CDH12: variants seen among roughly 807,000 people sequenced by gnomAD.
CDH12 encodes the protein cadherin 12.
In CDH12, 41 loss-of-function variants were observed where a neutral mutation model predicts 74.1. The ratio of observed to expected loss-of-function variants is 0.55; its 90% CI spans 0.43 to 0.72. The LOEUF is 0.72. CDH12 is among the 30% of genes least tolerant of loss of function. The pLI, the probability that CDH12 is intolerant of heterozygous loss-of-function variation, is 0.00. For synonymous variants in CDH12, 399 were observed against 355.0 expected (o/e 1.12, Z -1.39); for missense variants, 945 against 977.2 (o/e 0.97, Z 0.44).
intron 2 of CDH12, among the ~76,000 whole-genome samples, chr5:22,488,834 A>G (rs1746717479): frequency 6.6e-6 from 1 of 151,598 alleles, no homozygotes; most frequent in Non-Finnish European, 1.5e-5. Context: ...TGCACCCTCT[A>G]TCTACTGGCC....
At chr5:22,837,128 A>G (rs78614585) in intron 1 of CDH12, among the ~76,000 whole-genome samples, 11 of 152,268 alleles carry the variant, frequency 7.2e-5, no homozygotes, top group African/African-American at 2.6e-4. Context: ...CTATAAAATA[A>G]TCCCAAATAG....
At chr5:22,192,898 C>T (rs1481046013) in intron 4 of CDH12, among the ~76,000 whole-genome samples, 3 of 152,152 alleles carry the variant, frequency 2.0e-5, no homozygotes, top group African/African-American at 4.8e-5. Context: ...CAAGAATTTG[C>T]TATACTTGCC....
At chr5:22,601,174 T>C (rs190393788) in intron 1 of CDH12, among the ~76,000 whole-genome samples, 1 of 152,190 alleles carries the variant, frequency 6.6e-6, no homozygotes, top group Admixed American at 6.6e-5. Context: ...AACCATATGA[T>C]CCTATGTTTT....
chr5:22,516,204 T>C (rs1436541341), intron 1 of CDH12, among the ~76,000 whole-genome samples: 5 of 152,126 alleles, frequency 3.3e-5, no homozygotes, highest in Non-Finnish European at 5.9e-5. Context: ...AACAATTGAA[T>C]ATTCATATAA....
intron 2 of CDH12, among the ~76,000 whole-genome samples, chr5:22,486,996 T>C (rs191772825): frequency 1.3e-5 from 2 of 151,942 alleles, no homozygotes; most frequent in Admixed American, 1.3e-4. Flanking sequence ...TAAATGTGTT[T>C]GATTAAGATT....
intron 5 of CDH12, among the ~76,000 whole-genome samples, chr5:22,067,738 T>C: frequency 6.6e-6 from 1 of 152,142 alleles, no homozygotes; most frequent in South Asian, 2.1e-4. Flanking sequence ...CTTCATAAGA[T>C]ATGAAGTATC....
At position 21,983,803 on chromosome 5, in the gene CDH12, A is replaced by G. The variant is rs187888035; in HGVS notation, c.232-8418T>C. Among the ~76,000 whole-genome samples, 7 of 152,192 alleles carry G rather than the reference A, an allele frequency of 4.6e-5. No homozygotes were observed. The East Asian group carries it at 1.3e-3, about 29-fold the overall frequency. On this transcript the variant is annotated intron_variant, in intron 5 of 14. Coordinates refer to ENST00000382254, the MANE Select transcript of CDH12 (RefSeq NM_004061.5). ...GAAAGCAATAAATTTATATTACTTT[A>G]TTTATTGGTAATGCTCTTCATTTTC...
intron 1 of CDH12, among the ~76,000 whole-genome samples, chr5:22,591,207 A>G (rs560929487): frequency 6.6e-6 from 1 of 152,288 alleles, no homozygotes; most frequent in African/African-American, 2.4e-5. Context: ...AAAATCAACT[A>G]GTTTTTTGAA....
chr5:22,291,450 T>C (rs951288256), intron 3 of CDH12, among the ~76,000 whole-genome samples: 1 of 152,154 alleles, frequency 6.6e-6, no homozygotes, highest in African/African-American at 2.4e-5. Flanking sequence ...CATAATTTTA[T>C]ATGTAGAAAA....
intron 6 of CDH12, among the ~76,000 whole-genome samples, chr5:21,871,424 T>C (rs189073807): frequency 6.6e-6 from 1 of 152,260 alleles, no homozygotes; most frequent in East Asian, 1.9e-4. Flanking sequence ...GTACTGCTAT[T>C]CTAGGGTATG....
chr5:22,081,590 T>A (rs557153115), intron 4 of CDH12, among the ~76,000 whole-genome samples: 1 of 152,328 alleles, frequency 6.6e-6, no homozygotes, highest in East Asian at 1.9e-4. Context: ...TTAAACCTTT[T>A]CTTTCACTAT....
chr5:22,801,292 G>A (rs1748497397), intron 1 of CDH12, among the ~76,000 whole-genome samples: 2 of 152,076 alleles, frequency 1.3e-5, no homozygotes, highest in African/African-American at 4.8e-5. Context: ...CAGTACATCA[G>A]AAAATTAGGC....
At chr5:22,740,586 A>G (rs1744977975) in intron 1 of CDH12, among the ~76,000 whole-genome samples, 2 of 152,272 alleles carry the variant, frequency 1.3e-5, no homozygotes, top group South Asian at 2.1e-4. Flanking sequence ...CATTGTAAAT[A>G]TAAAATAAAT....
intron 11 of CDH12, among the ~76,000 whole-genome samples, chr5:21,769,080 A>C (rs1745180905): frequency 6.6e-6 from 1 of 152,086 alleles, no homozygotes; most frequent in South Asian, 2.1e-4. Flanking sequence ...ATTCGTGATA[A>C]AAACTCTCAA....
At chr5:22,610,260 G>A (rs1367706449) in intron 1 of CDH12, among the ~76,000 whole-genome samples, 2 of 152,096 alleles carry the variant, frequency 1.3e-5, no homozygotes, top group Non-Finnish European at 2.9e-5. Context: ...ATCATGTCTT[G>A]GAAGATAGGC....
chr5:22,352,977 T>C (rs1269377162), intron 3 of CDH12, among the ~76,000 whole-genome samples: 1 of 152,164 alleles, frequency 6.6e-6, no homozygotes, highest in East Asian at 1.9e-4. Context: ...TCATGTTATG[T>C]AGAGGCACTG....
intron 3 of CDH12, 49 bp from the exon 4 acceptor site, chr5:22,212,692 T>C (rs966593547): frequency 2.0e-5 from 12 of 606,362 alleles, no homozygotes; most frequent in Non-Finnish European, 2.3e-5. Context: ...TCCCAGTGAG[T>C]AAATGAGGAC....
At chr5:22,388,382 C>T (rs1159712720) in intron 3 of CDH12, among the ~76,000 whole-genome samples, 1 of 151,646 alleles carries the variant, frequency 6.6e-6, no homozygotes, top group Non-Finnish European at 1.5e-5. Context: ...TAAGAAGGGA[C>T]AAATAGAGGT....
intron 2 of CDH12, among the ~76,000 whole-genome samples, chr5:22,411,976 A>T (rs1340974134): frequency 6.6e-6 from 1 of 152,000 alleles, no homozygotes; most frequent in Non-Finnish European, 1.5e-5. Flanking sequence ...CAGTTTGTAA[A>T]TGAAAATAGA....
Sources: allele counts gnomAD v4.1 joint callset (sites outside exome capture counted in the v4.1 genomes callset), GRCh38; gene constraint gnomAD v4.1.1; transcripts MANE v1.5; gene names NCBI Gene and HGNC (gene_info 2026-07-23, HGNC 2026-07-21).